IGF2BP3: variants seen among roughly 807,000 people sequenced by gnomAD.
The protein encoded by IGF2BP3 is insulin like growth factor 2 mRNA binding protein 3.
In IGF2BP3, 9 loss-of-function variants were observed where a neutral mutation model predicts 73.8. The observed-to-expected ratio is 0.12, with a 90% CI of 0.07 to 0.21. IGF2BP3 has a LOEUF of 0.21. IGF2BP3 is among the 10% of genes least tolerant of loss of function. IGF2BP3 has a pLI of 1.00. For synonymous variants in IGF2BP3, 258 were observed against 256.7 expected (o/e 1.01, Z -0.05); for missense variants, 542 against 714.0 (o/e 0.76, Z 2.75).
chr7:23,335,896 C>T (rs980762133), intron 10 of IGF2BP3, among the ~76,000 whole-genome samples: 4 of 152,192 alleles, frequency 2.6e-5, no homozygotes, highest in African/African-American at 9.6e-5. Context: ...TTTATAAACT[C>T]GAAGTTTGCC....
chr7:23,361,183 T>C (rs931679619), intron 5 of IGF2BP3, among the ~76,000 whole-genome samples: 1 of 152,162 alleles, frequency 6.6e-6, no homozygotes, highest in Non-Finnish European at 1.5e-5. Context: ...TCAGATAAAA[T>C]AGCCATAATA....
chr7:23,345,568 C>T (rs945761830), intron 8 of IGF2BP3, among the ~76,000 whole-genome samples: 1 of 152,206 alleles, frequency 6.6e-6, no homozygotes, highest in African/African-American at 2.4e-5. Flanking sequence ...ATTCCTAACC[C>T]ACAAAAACTA....
intron 10 of IGF2BP3, among the ~76,000 whole-genome samples, chr7:23,340,096 C>T (rs976361664): frequency 6.6e-6 from 1 of 152,090 alleles, no homozygotes; most frequent in Non-Finnish European, 1.5e-5. Flanking sequence ...TTCAGTGACA[C>T]AAAATTGTGT....
At chr7:23,324,255 C>T (rs1784232985) in intron 10 of IGF2BP3, among the ~76,000 whole-genome samples, 1 of 150,808 alleles carries the variant, frequency 6.6e-6, no homozygotes, top group East Asian at 1.9e-4. Context: ...ACCGATCCCA[C>T]AGAAATACAA....
intron 3 of IGF2BP3, among the ~76,000 whole-genome samples, chr7:23,363,748 G>C (rs1785291794): frequency 6.6e-6 from 1 of 152,182 alleles, no homozygotes; most frequent in Admixed American, 6.5e-5. Context: ...AATATTTCAT[G>C]AGTGAAGTGA....
At position 23,361,740 on chromosome 7, in the gene IGF2BP3, A is replaced by T. The variant is rs994854170; in HGVS notation, c.287T>A (p.Val96Glu). The T allele has an allele frequency of 6.2e-7, 1 of 1,609,844 alleles. No individual in the cohort carries two copies. Among genetic ancestry groups the T allele is most frequent in the Non-Finnish European group, 8.5e-7 (1 of 1,178,288 alleles). ...RNIPPHLQWE[V>E]LDSLLVQYGV... The stretch of plus-strand genomic sequence containing the variant: ...ATACTGGACTAGTAAACTATCCAGC[A>T]CCTATCAGGAGGGGGAGAGAAAATT... The change falls in exon 4 of 15, where the codon GTG becomes GAG. Residue 96 changes from valine (V) to glutamate (E), a missense_variant and splice_region_variant. Val to Glu is a moderately radical substitution (Grantham distance 121, BLOSUM62 -2). Around this residue, in one of 2 missense-constraint regions of IGF2BP3, gnomAD observed 239 missense variants for 241.9 expected, o/e 0.99. Transcript: ENST00000258729.
chr7:23,380,642 A>T (rs1262244576), intron 3 of IGF2BP3, among the ~76,000 whole-genome samples: 1 of 152,148 alleles, frequency 6.6e-6, no homozygotes, highest in Non-Finnish European at 1.5e-5. Context: ...GTCTTGGTTA[A>T]CTCCCTGTAC....
chr7:23,466,379 G>A (rs917800860), intron 2 of IGF2BP3, among the ~76,000 whole-genome samples: 2 of 152,118 alleles, frequency 1.3e-5, no homozygotes, highest in East Asian at 1.9e-4. Context: ...TGTTCTATCA[G>A]TAAAAACAAC....
intron 10 of IGF2BP3, among the ~76,000 whole-genome samples, chr7:23,335,288 A>AT (rs5882901): frequency 0.42 from 61,134 of 145,658 alleles, 12,807 homozygotes; most frequent in Middle Eastern, 0.51. Context: ...CCAACTCATA[A>AT]TTTTTTTTTT....
At chr7:23,462,411 GAGTGCAGT>G (rs1788470374) in intron 2 of IGF2BP3, among the ~76,000 whole-genome samples, 1 of 151,070 alleles carries the variant, frequency 6.6e-6, no homozygotes, top group African/African-American at 2.4e-5. Context: ...ACCCAGGCTG[GAGTGCAGT>G]AGCGCGATCT....
intron 2 of IGF2BP3, among the ~76,000 whole-genome samples, chr7:23,435,882 T>C (rs1787798516): frequency 6.6e-6 from 1 of 152,070 alleles, no homozygotes; most frequent in South Asian, 2.1e-4. Context: ...CTCAGCCTCC[T>C]GAGTCATTGG....
In IGF2BP3 at chr7:23,336,630, G is replaced by A. The variant is rs542999612; in HGVS notation, c.1203+5434C>T. Reference sequence around the variant, plus strand: ...ATCGCAACGCCTGGTTGTTATCATTGCTTCTTTTTGGCTTCATTTTTCTTG... The same window carrying A: ...ATCGCAACGCCTGGTTGTTATCATTACTTCTTTTTGGCTTCATTTTTCTTG... On this transcript the variant is annotated intron_variant, in intron 10 of 14. Transcript: ENST00000258729. 4.0e-5 allele frequency among the ~76,000 whole-genome samples: 6 copies of A among 151,890 alleles called. 1 individual carries two copies. The highest frequency in any genetic ancestry group is 1.4e-4 in the African/African-American group (6 of 41,426).
intron 3 of IGF2BP3, among the ~76,000 whole-genome samples, chr7:23,388,737 T>C (rs1440811322): frequency 6.6e-6 from 1 of 152,064 alleles, no homozygotes; most frequent in Non-Finnish European, 1.5e-5. Context: ...TTTCTGCATC[T>C]GTTGAATCTC....
intron 10 of IGF2BP3, among the ~76,000 whole-genome samples, chr7:23,335,336 G>A (rs921337136): frequency 2.6e-5 from 4 of 151,364 alleles, no homozygotes; most frequent in Admixed American, 1.3e-4. Context: ...AGGCTGGAGT[G>A]CAGTGGCTCA....
At chr7:23,361,431 CT>C (rs1785225369) in intron 5 of IGF2BP3, 102 bp downstream of exon 5, 3 of 870,768 alleles carry the variant, frequency 3.4e-6, no homozygotes, top group Non-Finnish European at 5.5e-6. Flanking sequence ...AATAAAGTTT[CT>C]CTCTGCCACC....
At chr7:23,459,239 AGTTTTGGTCACT>A (rs1788388235) in intron 2 of IGF2BP3, among the ~76,000 whole-genome samples, 1 of 152,202 alleles carries the variant, frequency 6.6e-6, no homozygotes, top group South Asian at 2.1e-4. Context: ...TTTGATTAAT[AGTTTTGGTCACT>A]ATTGTGACCA....
At position 23,460,178 on chromosome 7, in the gene IGF2BP3, C is replaced by CAAAA. The variant is rs757381858; in HGVS notation, c.236+8300_236+8303dup. On this transcript the variant is annotated intron_variant, in intron 2 of 14. Coordinates refer to ENST00000258729, the MANE Select transcript of IGF2BP3 (RefSeq NM_006547.3). Reference sequence around the variant, plus strand: ...TGGGCAACCGTGCGAGACCCTGCCTCAAAAAAAAAAAAAAAAAACAAAAAC... The same window carrying CAAAA: ...TGGGCAACCGTGCGAGACCCTGCCTCAAAAAAAAAAAAAAAAAAAAAACAAAAAC... 3.4e-3 allele frequency among the ~76,000 whole-genome samples: 185 copies of CAAAA among 55,148 alleles called. 14 individuals carry two copies. Among genetic ancestry groups the CAAAA allele is most frequent in the African/African-American group, 6.8e-3 (92 of 13,588 alleles). 36.2% of individuals were successfully genotyped at this position (55,148 alleles called of 152,430 possible).
chr7:23,404,349 C>A (rs1397537301), intron 3 of IGF2BP3, among the ~76,000 whole-genome samples: 1 of 152,122 alleles, frequency 6.6e-6, no homozygotes, highest in Non-Finnish European at 1.5e-5. Context: ...AAATATCAGT[C>A]ATTACCATTA....
chr7:23,449,565 T>C (rs1023505850), intron 2 of IGF2BP3, among the ~76,000 whole-genome samples: 3 of 142,958 alleles, frequency 2.1e-5, no homozygotes, highest in African/African-American at 7.6e-5. Context: ...TTTTTTTTTT[T>C]TTTTTTTTTT....
Sources: allele counts gnomAD v4.1 joint callset (sites outside exome capture counted in the v4.1 genomes callset), GRCh38; gene constraint gnomAD v4.1.1; regional missense constraint gnomAD v4.1.1; transcripts MANE v1.5; gene names NCBI Gene and HGNC (gene_info 2026-07-23, HGNC 2026-07-21).